The following ARMC3 variants were observed in gnomAD, a reference collection of about 807,000 sequenced individuals.
The protein encoded by ARMC3 is armadillo repeat-containing protein 3.
Under a neutral mutation model 90.3 loss-of-function variants are expected in ARMC3, and 74 were observed. The observed-to-expected ratio is 0.82, with a 90% CI of 0.68 to 0.99. The LOEUF is 0.99. ARMC3 is among the 50% of genes least tolerant of loss of function. The pLI is 0.00. For synonymous variants in ARMC3, 334 were observed against 361.8 expected (o/e 0.92, Z 0.87); for missense variants, 958 against 1,042.8 (o/e 0.92, Z 1.12).
chr10:22,951,285 C>T (rs992933344), intron 3 of ARMC3, among the ~76,000 whole-genome samples: 1 of 151,980 alleles, frequency 6.6e-6, no homozygotes, highest in Non-Finnish European at 1.5e-5. Context: ...TCAAAATACA[C>T]GAAGCTAATA....
At chr10:22,949,829 C>T (rs992562758) in intron 3 of ARMC3, among the ~76,000 whole-genome samples, 1 of 151,840 alleles carries the variant, frequency 6.6e-6, no homozygotes, top group Non-Finnish European at 1.5e-5. Flanking sequence ...TGCTTAAAAT[C>T]AGTGATAAAG....
chr10:22,963,887 T>TCTCACACACACA (rs1184167653), intron 7 of ARMC3, among the ~76,000 whole-genome samples: 1 of 33,862 alleles, frequency 3.0e-5, no homozygotes, highest in Admixed American at 5.3e-4. Context: ...AGACTCTGTC[T>TCTCACACACACA]CACACACACA....
At chr10:23,007,698 CAAAAA>C (rs1188080079) in intron 14 of ARMC3, among the ~76,000 whole-genome samples, 2 of 33,682 alleles carry the variant, frequency 5.9e-5, no homozygotes, top group Admixed American at 6.6e-4. Flanking sequence ...GACTCCGTCT[CAAAAA>C]AAAAAAAAAA....
intron 18 of ARMC3, among the ~76,000 whole-genome samples, chr10:23,036,628 C>T (rs1165735936): frequency 6.6e-6 from 1 of 152,202 alleles, no homozygotes; most frequent in Non-Finnish European, 1.5e-5. Flanking sequence ...GGCTATAATC[C>T]AGACCCAGGC....
chr10:22,974,759 C>T (rs1488140487), intron 8 of ARMC3, among the ~76,000 whole-genome samples: 1 of 152,242 alleles, frequency 6.6e-6, no homozygotes, highest in East Asian at 1.9e-4. Flanking sequence ...TCTCTTGCCC[C>T]AGCCTCCCAA....
chr10:22,986,323 G>A (rs1392521359), intron 10 of ARMC3, among the ~76,000 whole-genome samples: 1 of 151,984 alleles, frequency 6.6e-6, no homozygotes, highest in Non-Finnish European at 1.5e-5. Context: ...AGGCCAAGGC[G>A]GGTGGATTAC....
At chr10:22,957,385 T>C (rs1477943824) in intron 4 of ARMC3, among the ~76,000 whole-genome samples, 1 of 152,170 alleles carries the variant, frequency 6.6e-6, no homozygotes, top group Non-Finnish European at 1.5e-5. Context: ...GCAGCTGCAG[T>C]GCTGGAAGCA....
Position 23,019,063 on chromosome 10 carries a change from G to A in ARMC3, c.2045+10132G>A, listed in dbSNP as rs148277795. ...CCAATGTGGGCTCTCAGCTAGCAGT[G>A]GAAAGTAGAGAAAGTAAGCCTTGCC... is the stretch of plus-strand genomic sequence containing the variant. On this transcript the variant is annotated intron_variant, in intron 16 of 18. Coordinates refer to ENST00000298032, the MANE Select transcript of ARMC3 (RefSeq NM_173081.5). 2.4e-3 allele frequency among the ~76,000 whole-genome samples: 372 copies of A among 152,318 alleles called. 2 individuals are homozygous for A. Among genetic ancestry groups the A allele is most frequent in the Middle Eastern group, 0.01 (3 of 294 alleles).
intron 8 of ARMC3, among the ~76,000 whole-genome samples, chr10:22,978,627 AT>A (rs1836045333): frequency 6.6e-6 from 1 of 152,168 alleles, no homozygotes; most frequent in Non-Finnish European, 1.5e-5. Context: ...GTCTTATTTT[AT>A]ATTAGTTACA....
Position 22,937,068 on chromosome 10 carries a change from A to C in ARMC3, c.48+5024A>C, listed in dbSNP as rs900339456. ...AAGGCATACACCGCCATACCCGGCT[A>C]ATTTTTGTATGTTTTGTGGAGACAG... On this transcript the variant is annotated intron_variant, in intron 2 of 18. Coordinates refer to ENST00000298032, the MANE Select transcript of ARMC3 (RefSeq NM_173081.5). 3.3e-5 allele frequency among the ~76,000 whole-genome samples: 5 copies of C among 152,134 alleles called. No homozygotes were observed. In the East Asian group the frequency reaches 9.7e-4, roughly 29 times the overall value.
rs1277907631 is a variant in ARMC3, at chr10:23,003,218, AAATAATGC to A, written c.1563-27_1563-20del. The A allele has an allele frequency of 6.2e-7, 1 of 1,600,442 alleles. No homozygotes were observed. The highest frequency in any genetic ancestry group is 1.7e-5 in the Admixed American group (1 of 58,436). ...CAGTATTGGATGGCTTGTATAAAGC[AAATAATGC>A]TTTTTGCTTTTATTGACAGGGCTTT... On this transcript the variant is annotated intron_variant, in intron 12 of 18. Coordinates refer to ENST00000298032, the MANE Select transcript of ARMC3 (RefSeq NM_173081.5).
chr10:23,030,862 G>T (rs1313802685), intron 17 of ARMC3, 66 bp downstream of exon 17: 11 of 1,533,002 alleles, frequency 7.2e-6, no homozygotes, highest in South Asian at 2.4e-5. Flanking sequence ...ATACATTTTA[G>T]CCATGTTTTA....
chr10:22,973,411 G>T (rs1835760261), intron 8 of ARMC3, among the ~76,000 whole-genome samples: 1 of 150,616 alleles, frequency 6.6e-6, no homozygotes, highest in Non-Finnish European at 1.5e-5. Flanking sequence ...TTGAGGCCTG[G>T]TATAGGATCT....
chr10:22,968,212 G>A lies in ARMC3; in HGVS notation c.733-94G>A, dbSNP rs1056403114. 9.5e-6 allele frequency: 11 copies of A among 1,151,988 alleles called. No homozygotes were observed. The African/African-American group carries it at 1.6e-4, about 16-fold the overall frequency. The allele number at this position is 1,151,988 out of a possible 1,614,324, so 71.4% of individuals were successfully genotyped here. Reference sequence around the variant, plus strand: ...CTGTCACAACAAAAATCATGACATTGTGTTCTGACTGACTTTATTTCCTCT... The same window carrying A: ...CTGTCACAACAAAAATCATGACATTATGTTCTGACTGACTTTATTTCCTCT... On this transcript the variant is annotated intron_variant, in intron 7 of 18. Transcript: ENST00000298032.
At chr10:22,982,883 A>C (rs1371169218) in intron 10 of ARMC3, among the ~76,000 whole-genome samples, 7 of 152,310 alleles carry the variant, frequency 4.6e-5, no homozygotes, top group African/African-American at 1.7e-4. Flanking sequence ...TCTCCCACAC[A>C]AATTATAAGA....
At chr10:22,975,692 A>AATTTTGC (rs1295289538) in intron 8 of ARMC3, among the ~76,000 whole-genome samples, 4 of 152,062 alleles carry the variant, frequency 2.6e-5, no homozygotes, top group African/African-American at 9.7e-5. Flanking sequence ...TGAGTTTGAA[A>AATTTTGC]ATTTTGCCGA....
chr10:22,942,343 T>C (rs891411826), intron 2 of ARMC3, among the ~76,000 whole-genome samples: 1 of 152,170 alleles, frequency 6.6e-6, no homozygotes, highest in African/African-American at 2.4e-5. Context: ...GAAAAATTAA[T>C]GTATTCTCAA....
intron 8 of ARMC3, among the ~76,000 whole-genome samples, chr10:22,970,780 C>T (rs760701757): frequency 6.6e-6 from 1 of 152,144 alleles, no homozygotes; most frequent in African/African-American, 2.4e-5. Flanking sequence ...AGGTTTCTGG[C>T]TTAGACAGCT....
At chr10:23,011,959 C>T (rs1389749887) in intron 16 of ARMC3, among the ~76,000 whole-genome samples, 1 of 152,206 alleles carries the variant, frequency 6.6e-6, no homozygotes, top group Non-Finnish European at 1.5e-5. Flanking sequence ...AGGGACAGGC[C>T]ACTTGACTGA....
Sources: gnomAD v4.1 joint callset for allele counts (sites outside exome capture counted in the v4.1 genomes callset) on GRCh38, gnomAD v4.1.1 for gene constraint, MANE v1.5 for transcripts, NCBI Gene and HGNC (gene_info 2026-07-23, HGNC 2026-07-21) for gene names.